Variants in ZNF550 observed in about 807,000 individuals in gnomAD.
The protein encoded by ZNF550 is zinc finger protein 550.
A neutral mutation model predicts 40.2 loss-of-function variants in ZNF550; 42 were observed. The ratio of observed to expected loss-of-function variants is 1.05; its 90% CI spans 0.82 to 1.35. The LOEUF (loss-of-function observed/expected upper bound fraction) is 1.35. Ranked by LOEUF, ZNF550 falls within the 40% of genes most tolerant of loss-of-function variation. The pLI is 0.00. For missense variants in ZNF550, 549 were observed against 525.2 expected, an observed-to-expected ratio of 1.05 and a Z score of -0.44; for synonymous variants, 223 against 198.6, an observed-to-expected ratio of 1.12 and a Z score of -1.03.
At chr19:57,558,655 G>A (rs2090143244) in intron 1 of ZNF550, among the ~76,000 whole-genome samples, 1 of 152,114 alleles carries the variant, frequency 6.6e-6, no homozygotes, top group African/African-American at 2.4e-5. Flanking sequence ...AAGAGACTCT[G>A]GTCAGCTTTA....
chr19:57,547,641 G>A (rs151237111), exon 4 of ZNF550: 1 of 1,614,030 alleles, frequency 6.2e-7, no homozygotes, highest in Non-Finnish European at 8.5e-7. Context: ...ATTTGTAGGG[G>A]TTTGTCCCTG....
At chr19:57,544,008 TTACTGTAAGTTCAAAACTTC>T in intron 4 of ZNF550, 1 of 985,444 alleles carries the variant, frequency 1.0e-6, no homozygotes, top group Non-Finnish European at 1.2e-6. Flanking sequence ...TTCACAACTT[TTACTGTAAGTTCAAAACTTC>T]TACTGACTTA....
At chr19:57,545,814 A>C (rs1202228156) in intron 4 of ZNF550, among the ~76,000 whole-genome samples, 3 of 152,154 alleles carry the variant, frequency 2.0e-5, no homozygotes, top group African/African-American at 7.2e-5. Context: ...GGAGTTCCAG[A>C]CCAGCCCAGC....
rs772632440 is a variant in ZNF550, at chr19:57,551,999, TC to T, written c.250+627del. On this transcript the variant is annotated intron_variant, in intron 3 of 4. Coordinates refer to ENST00000457177, the Ensembl canonical transcript of ZNF550. Reference sequence around the variant, plus strand: ...GACAGTAATATCAAGGGGAGGAAAGTCCCCTTTCTCTTGAGTCCAGAAAGAA... The same window carrying T: ...GACAGTAATATCAAGGGGAGGAAAGTCCCTTTCTCTTGAGTCCAGAAAGAA... Among the ~76,000 whole-genome samples the T allele has an allele frequency of 8.5e-5, 13 of 152,238 alleles. 1 individual carries two copies. In the East Asian group the frequency reaches 1.5e-3, roughly 18 times the overall value.
chr19:57,556,520 G>T (rs2090122971), intron 1 of ZNF550, 163 bp from the exon 2 acceptor site: 1 of 802,996 alleles, frequency 1.2e-6, no homozygotes, highest in Non-Finnish European at 1.9e-6. Context: ...GGCAGATACT[G>T]CCTTTTGACA....
At chr19:57,542,983 C>T (rs866402904) in exon 5 of ZNF550, 1 of 152,750 alleles carries the variant, frequency 6.5e-6, no homozygotes, top group African/African-American at 2.4e-5. Context: ...TGCAGTTCTT[C>T]AAAGGGCAGA....
At chr19:57,548,303 T>C (rs2090042740) in intron 3 of ZNF550, among the ~76,000 whole-genome samples, 2 of 152,150 alleles carry the variant, frequency 1.3e-5, no homozygotes, top group South Asian at 2.1e-4. Flanking sequence ...GCATTTGCTT[T>C]AAGAATTGAA....
At chr19:57,555,191 C>A (rs748771169) in intron 2 of ZNF550, 5 of 152,134 alleles carry the variant, frequency 3.3e-5, no homozygotes, top group Non-Finnish European at 7.4e-5. Flanking sequence ...GCAATCACAA[C>A]ACAACAAAAT....
intron 1 of ZNF550, chr19:57,557,162 A>C (rs1311478729): frequency 6.6e-6 from 1 of 151,896 alleles, no homozygotes; most frequent in Non-Finnish European, 1.5e-5. Flanking sequence ...TTCATGAAAG[A>C]GGAAGGCCTC....
exon 4 of ZNF550, chr19:57,547,299 A>G (rs1020395234): frequency 6.2e-7 from 1 of 1,614,096 alleles, no homozygotes. Context: ...CTTTGCACTC[A>G]AAGGGCTTTT....
At chr19:57,545,830 T>C (rs972853095) in intron 4 of ZNF550, among the ~76,000 whole-genome samples, 45 of 152,264 alleles carry the variant, frequency 3.0e-4, no homozygotes, top group African/African-American at 1.0e-3. Flanking sequence ...CCAGCCAACA[T>C]GGTAAAACCT....
chr19:57,559,172 A>G (rs1050600735), intron 1 of ZNF550, among the ~76,000 whole-genome samples: 21 of 152,316 alleles, frequency 1.4e-4, no homozygotes, highest in Admixed American at 1.2e-3. Context: ...CAGCTCCGGA[A>G]ACAACATCCT....
chr19:57,561,105 T>G (rs895336230), upstream of ZNF550, among the ~76,000 whole-genome samples: 3 of 152,256 alleles, frequency 2.0e-5, no homozygotes, highest in African/African-American at 7.2e-5. This position sits in a 1 kb window ranked among gnomAD's most constrained non-coding sequence, Gnocchi z 4.9. Flanking sequence ...ATTCTTTCTC[T>G]TATTTTGGGT....
At chr19:57,560,337 G>A (rs2090159214), upstream of ZNF550, among the ~76,000 whole-genome samples, 1 of 152,186 alleles carries the variant, frequency 6.6e-6, no homozygotes, top group Non-Finnish European at 1.5e-5. Flanking sequence ...TTCCGTCTGT[G>A]GGACGTCTGC....
chr19:57,556,409 T>A, intron 1 of ZNF550, 52 bp from the exon 2 acceptor site: 1 of 1,569,408 alleles, frequency 6.4e-7, no homozygotes, highest in Non-Finnish European at 8.6e-7. Context: ...TCGCATAGGA[T>A]CAGAACCTGT....
intron 1 of ZNF550, chr19:57,556,590 A>G (rs1372586251): frequency 6.6e-6 from 3 of 452,302 alleles, no homozygotes; most frequent in Non-Finnish European, 1.2e-5. Flanking sequence ...TGACACAAAC[A>G]ATGGCAATCC....
exon 4 of ZNF550, chr19:57,547,706 C>T: frequency 3.1e-6 from 5 of 1,614,204 alleles, no homozygotes; most frequent in South Asian, 1.1e-5. Context: ...TGGAGAACAT[C>T]TGCTGATAAC....
intron 3 of ZNF550, among the ~76,000 whole-genome samples, chr19:57,550,164 C>T (rs2123351475): frequency 6.6e-6 from 1 of 152,242 alleles, no homozygotes; most frequent in East Asian, 1.9e-4. Context: ...ATGAAGTGGC[C>T]AGCATCGCAT....
chr19:57,555,902 C>T, intron 2 of ZNF550: 1 of 319,098 alleles, frequency 3.1e-6, no homozygotes, highest in East Asian at 8.6e-5. Flanking sequence ...CTGCCTGACT[C>T]ACCCCTTTCT....
Sources: gnomAD v4.1 joint callset for allele counts (sites outside exome capture counted in the v4.1 genomes callset) on GRCh38, gnomAD v4.1.1 for gene constraint, Gnocchi (gnomAD v3.1) non-coding constraint, MANE v1.5 for transcripts, NCBI Gene and HGNC (gene_info 2026-07-23, HGNC 2026-07-21) for gene names.